The following PTPRD variants were observed in gnomAD, a reference collection of about 807,000 sequenced individuals.
PTPRD encodes receptor-type tyrosine-protein phosphatase delta.
Under a neutral mutation model 214.5 loss-of-function variants are expected in PTPRD, and 34 were observed. That is an observed-to-expected ratio of 0.16 (90% confidence interval 0.12 to 0.21). PTPRD has a LOEUF of 0.21. Ranked by LOEUF, PTPRD falls within the 10% of genes least tolerant of loss-of-function variation. The probability of loss-of-function intolerance (pLI) is 1.00; values close to 1 mark genes in which losing one functional copy is unlikely to be tolerated. For missense variants in PTPRD, 2,545 were observed against 2,398.7 expected (o/e 1.06, Z -1.27); for synonymous variants, 1,128 against 845.7 (o/e 1.33, Z -5.79).
At chr9:8,954,704 G>C (rs904725285) in intron 11 of PTPRD, among the ~76,000 whole-genome samples, 84 of 151,854 alleles carry the variant, frequency 5.5e-4, no homozygotes, top group African/African-American at 1.9e-3. Context: ...CCTGGGTCCA[G>C]TTTTGATTTC....
intron 8 of PTPRD, among the ~76,000 whole-genome samples, chr9:9,485,734 C>G (rs1322217704): frequency 6.6e-6 from 1 of 152,200 alleles, no homozygotes; most frequent in Non-Finnish European, 1.5e-5. Context: ...TCCAAATTTA[C>G]ACTGAACCTA....
At chr9:9,757,978 A>G (rs1009594394) in intron 6 of PTPRD, among the ~76,000 whole-genome samples, 12 of 151,844 alleles carry the variant, frequency 7.9e-5, no homozygotes, top group Non-Finnish European at 1.5e-4. Flanking sequence ...ATTATTACCA[A>G]CTTATCAGTG....
At chr9:10,473,471 T>C (rs191939224) in intron 2 of PTPRD, among the ~76,000 whole-genome samples, 13 of 152,222 alleles carry the variant, frequency 8.5e-5, no homozygotes, top group African/African-American at 3.1e-4. Flanking sequence ...AATCTCATAT[T>C]CCAACTATAA....
chr9:8,584,813 T>C (rs1043497123), intron 14 of PTPRD, among the ~76,000 whole-genome samples: 2 of 152,204 alleles, frequency 1.3e-5, no homozygotes, highest in African/African-American at 4.8e-5. Context: ...CAGTTCAGAA[T>C]GGCTGGGGAG....
chr9:9,399,754 C>T (rs993551961), intron 8 of PTPRD, among the ~76,000 whole-genome samples: 12 of 152,004 alleles, frequency 7.9e-5, no homozygotes, highest in African/African-American at 2.9e-4. Context: ...TGCTACCATG[C>T]AAGACATGAC....
chr9:9,432,912 T>A (rs1444604892), intron 8 of PTPRD, among the ~76,000 whole-genome samples: 1 of 152,086 alleles, frequency 6.6e-6, no homozygotes, highest in African/African-American at 2.4e-5. Flanking sequence ...ATTCCCAGAG[T>A]TGCAGACAAT....
chr9:8,953,440 G>A (rs1430473452), intron 11 of PTPRD, among the ~76,000 whole-genome samples: 1 of 151,874 alleles, frequency 6.6e-6, no homozygotes, highest in Non-Finnish European at 1.5e-5. Flanking sequence ...ATCAGCCTTG[G>A]CAAAGAATTT....
At chr9:10,136,214 T>C (rs2098942241) in intron 3 of PTPRD, among the ~76,000 whole-genome samples, 1 of 151,996 alleles carries the variant, frequency 6.6e-6, no homozygotes, top group South Asian at 2.1e-4. Flanking sequence ...CAATGCAACA[T>C]TGGCACTCAG....
At chr9:9,187,169 G>C (rs2099932140) in intron 9 of PTPRD, among the ~76,000 whole-genome samples, 1 of 151,586 alleles carries the variant, frequency 6.6e-6, no homozygotes, top group Non-Finnish European at 1.5e-5. Flanking sequence ...TCAAAATTCT[G>C]ATTATCAAAA....
intron 5 of PTPRD, among the ~76,000 whole-genome samples, chr9:9,925,212 G>A (rs1200643431): frequency 2.0e-5 from 3 of 152,036 alleles, no homozygotes; most frequent in African/African-American, 4.8e-5. Flanking sequence ...CTGTAGAGAG[G>A]CAGTAGTTGC....
chr9:9,360,434 T>C (rs2055643070), intron 9 of PTPRD, among the ~76,000 whole-genome samples: 1 of 151,250 alleles, frequency 6.6e-6, no homozygotes, highest in South Asian at 2.1e-4. Context: ...AGCAAATTTA[T>C]ACTAAACTCT....
chr9:10,181,485 G>C lies in PTPRD; in HGVS notation c.-544-147695C>G, dbSNP rs146086662. On this transcript the variant is annotated intron_variant, in intron 3 of 45. Transcript: ENST00000381196. ...CAATTCACTTCTAAACCTGTTTTAAGAGACTTCACCAACACTAACTTTTTT... is the reference window on the plus strand; with the variant it reads ...CAATTCACTTCTAAACCTGTTTTAACAGACTTCACCAACACTAACTTTTTT... 5.5e-3 allele frequency among the ~76,000 whole-genome samples: 835 copies of C among 151,916 alleles called. 7 individuals are homozygous for C. Among genetic ancestry groups the C allele is most frequent in the African/African-American group, 0.018 (749 of 41,490 alleles).
intron 5 of PTPRD, among the ~76,000 whole-genome samples, chr9:9,842,298 A>ATTTTTTTTTTTTTTT (rs138386194): frequency 1.1e-5 from 1 of 91,400 alleles, no homozygotes; most frequent in Non-Finnish European, 2.0e-5. Context: ...GAAGGAGAGC[A>ATTTTTTTTTTTTTTT]TTTTTTTTTT....
intron 3 of PTPRD, among the ~76,000 whole-genome samples, chr9:10,223,627 G>T (rs2099578736): frequency 6.7e-6 from 1 of 150,268 alleles, no homozygotes. Context: ...TCACAATCAT[G>T]CCACTGCACT....
intron 11 of PTPRD, among the ~76,000 whole-genome samples, chr9:8,771,193 G>C (rs1469042634): frequency 8.2e-6 from 1 of 122,630 alleles, no homozygotes; most frequent in Middle Eastern, 4.4e-3. Flanking sequence ...AAAAAAAAAA[G>C]ATAGTAGTCT....
At chr9:8,558,519 A>G (rs2084878072) in intron 14 of PTPRD, among the ~76,000 whole-genome samples, 1 of 152,208 alleles carries the variant, frequency 6.6e-6, no homozygotes. Context: ...GACATCTTTC[A>G]GGCCTGCTCT....
At chr9:8,698,815 A>C (rs1267386208) in intron 12 of PTPRD, among the ~76,000 whole-genome samples, 1 of 152,198 alleles carries the variant, frequency 6.6e-6, no homozygotes, top group Non-Finnish European at 1.5e-5. Context: ...TAGCAATCCT[A>C]TCCTTTGTTT....
intron 14 of PTPRD, among the ~76,000 whole-genome samples, chr9:8,603,223 C>T (rs2094974832): frequency 6.6e-6 from 1 of 152,032 alleles, no homozygotes; most frequent in Non-Finnish European, 1.5e-5. Context: ...TTTGTAAAAT[C>T]ATTCATTACT....
intron 6 of PTPRD, among the ~76,000 whole-genome samples, chr9:9,742,670 A>C (rs1181254039): frequency 6.6e-6 from 1 of 152,066 alleles, no homozygotes; most frequent in African/African-American, 2.4e-5. Flanking sequence ...TACAAAAAAC[A>C]TGGTATGTTC....
Sources: gnomAD v4.1 joint callset for allele counts (sites outside exome capture counted in the v4.1 genomes callset) on GRCh38, gnomAD v4.1.1 for gene constraint, MANE v1.5 for transcripts, NCBI Gene and HGNC (gene_info 2026-07-23, HGNC 2026-07-21) for gene names.